The following THOC1 variants were observed in gnomAD, a reference collection of about 807,000 sequenced individuals.
THOC1 encodes THO complex 1.
Under a neutral mutation model 97.3 loss-of-function variants are expected in THOC1, and 29 were observed. The observed-to-expected ratio is 0.30, with a 90% confidence interval of 0.22 to 0.41. The LOEUF (loss-of-function observed/expected upper bound fraction) is 0.41, where lower values mean the gene tolerates loss of function less well. Among genes scored for constraint, THOC1 ranks in the 10% least tolerant of loss-of-function variants. The pLI, the probability that THOC1 is intolerant of heterozygous loss-of-function variation, is 1.00. For missense variants in THOC1, 529 were observed against 761.9 expected (o/e 0.69, Z 3.60); for synonymous variants, 255 against 257.0 (o/e 0.99, Z 0.07).
rs1284947013 is a variant in THOC1 at position 214,760 on chromosome 18, T to C, written c.1840A>G (p.Lys614Glu). Residue 614 changes from lysine to glutamate, a missense_variant, in exon 21 of 21, where the codon AAG (lysine) becomes GAG (glutamate). Transcript: ENST00000261600. ...TCTTGCCAGGCAACCAGGAGCTGCT[T>C]AGCTCTCATCTTCATGTCTTCACTG... ...CDSEDMKMRA[K>E]QLLVAWQDQE... 1 of 1,614,008 alleles carries C rather than the reference T, an allele frequency of 6.2e-7. No individual in the cohort carries two copies. The highest frequency in any genetic ancestry group is 8.5e-7 in the Non-Finnish European group (1 of 1,179,872).
chr18:230,002 C>T (rs1226870282), intron 11 of THOC1, among the ~76,000 whole-genome samples: 1 of 152,224 alleles, frequency 6.6e-6, no homozygotes, highest in Non-Finnish European at 1.5e-5. Context: ...ACTATACTCT[C>T]AACCTAGATC....
At chr18:246,220 A>G in intron 11 of THOC1, 104 bp downstream of exon 11, 1 of 952,048 alleles carries the variant, frequency 1.1e-6, no homozygotes, top group South Asian at 1.7e-5. Context: ...CCAAAGTAAA[A>G]TAAGAAACAT....
rs1912527073 is a variant in THOC1, at chr18:259,187, C to T, written c.513G>A (p.Glu171=). 2 of 1,610,494 alleles carry T rather than the reference C, an allele frequency of 1.2e-6. No individual in the cohort carries two copies. Among genetic ancestry groups the T allele is most frequent in the Non-Finnish European group, 1.7e-6 (2 of 1,178,226 alleles). Residue 171 remains glutamate, a synonymous_variant, in exon 7 of 21, where the codon GAG becomes GAA. Coordinates refer to ENST00000261600, the MANE Select transcript of THOC1 (RefSeq NM_005131.3). ...LFLARLFPLS[E]KSGLNLQSQF... ...TAATGCATAAAAGCTTACCTGATTTCTCAGACAGAGGGAAAAGCCTGGCCA... is the reference window on the plus strand; with the variant it reads ...TAATGCATAAAAGCTTACCTGATTTTTCAGACAGAGGGAAAAGCCTGGCCA...
intron 11 of THOC1, among the ~76,000 whole-genome samples, chr18:237,009 T>C (rs2143215507): frequency 6.6e-6 from 1 of 152,196 alleles, no homozygotes; most frequent in Non-Finnish European, 1.5e-5. Flanking sequence ...AGTCTTTCTG[T>C]AGCATGACTG....
At chr18:224,640 A>T (rs1282458436) in intron 15 of THOC1, among the ~76,000 whole-genome samples, 2 of 152,210 alleles carry the variant, frequency 1.3e-5, no homozygotes, top group Non-Finnish European at 2.9e-5. Flanking sequence ...TATAAGATAA[A>T]AATGCCACAT....
At chr18:257,518 A>C (rs1912473688) in intron 7 of THOC1, among the ~76,000 whole-genome samples, 1 of 152,188 alleles carries the variant, frequency 6.6e-6, no homozygotes, top group South Asian at 2.1e-4. Context: ...TACAGAAACA[A>C]ATACAGATGA....
At chr18:247,504 G>T (rs1036917127) in intron 10 of THOC1, among the ~76,000 whole-genome samples, 2 of 152,114 alleles carry the variant, frequency 1.3e-5, no homozygotes, top group African/African-American at 4.8e-5. Context: ...GTTAGATCTG[G>T]CCCAGAGCCA....
At position 215,573 on chromosome 18, in the gene THOC1, T is replaced by C. The variant is rs1207899395; in HGVS notation, c.1603-69A>G. ...GAAGTAAGGTAACAGGTATTTTGTT[T>C]GGATAAGGACGGTTGTGAGATTCCA... On this transcript the variant is annotated intron_variant, in intron 19 of 20. Transcript: ENST00000261600. 2.3e-6 allele frequency: 3 copies of C among 1,304,662 alleles called. No individual in the cohort carries two copies. The East Asian group carries it at 7.0e-5, about 30-fold the overall frequency. 80.8% of individuals were successfully genotyped at this position (1,304,662 alleles called of 1,614,324 possible). A position where few individuals can be genotyped will look rare whatever the true frequency, so the allele number is the denominator to read the frequency against.
intron 11 of THOC1, among the ~76,000 whole-genome samples, chr18:243,916 T>C (rs1224849022): frequency 6.6e-6 from 1 of 152,192 alleles, no homozygotes; most frequent in Admixed American, 6.5e-5. Flanking sequence ...ATACTTGTTA[T>C]TACTGACCTA....
In THOC1 at chr18:254,318, G is replaced by A. The variant is rs773345626; in HGVS notation, c.558C>T (p.Val186=). ...CCTGCTCATTTGTATTGAAAACAGTGACATTTTCCAGATTAAACTGACTCT... is the reference window on the plus strand; with the variant it reads ...CCTGCTCATTTGTATTGAAAACAGTAACATTTTCCAGATTAAACTGACTCT... The part of the protein sequence containing the change: ...NLQSQFNLEN[V]TVFNTNEQES... Residue 186 remains valine (V), a synonymous_variant, in exon 8 of 21, where the codon GTC becomes GTT. Transcript: ENST00000261600. The surrounding 1 kb of genome is among the most constrained non-coding windows in gnomAD (Gnocchi z 4.1). 3.2e-5 allele frequency: 51 copies of A among 1,581,548 alleles called. No individual in the cohort carries two copies. The East Asian group carries it at 1.1e-3, about 35-fold the overall frequency.
chr18:233,492 A>T (rs777590951), intron 11 of THOC1, among the ~76,000 whole-genome samples: 5 of 152,200 alleles, frequency 3.3e-5, no homozygotes, highest in Non-Finnish European at 7.3e-5. Context: ...AGGCTGAGGC[A>T]AGAGAATCAC....
At chr18:234,525 C>G (rs2143204480) in intron 11 of THOC1, among the ~76,000 whole-genome samples, 1 of 152,118 alleles carries the variant, frequency 6.6e-6, no homozygotes, top group South Asian at 2.1e-4. Flanking sequence ...TCATACAGAT[C>G]TTAAAAATCT....
At chr18:248,567 G>T (rs1255800661) in intron 9 of THOC1, among the ~76,000 whole-genome samples, 1 of 152,040 alleles carries the variant, frequency 6.6e-6, no homozygotes. Context: ...AAAAGTCACA[G>T]GTATCATATC....
Position 224,199 on chromosome 18 carries a change from C to T in THOC1, c.1209-20G>A, listed in dbSNP as rs1911193121. 2.0e-6 allele frequency: 3 copies of T among 1,507,044 alleles called. No individual in the cohort carries two copies. The highest frequency in any genetic ancestry group is 1.2e-5 in the South Asian group (1 of 84,138). The allele number at this position is 1,507,044 out of a possible 1,614,324, so 93.4% of individuals were successfully genotyped here. On this transcript the variant is annotated intron_variant, in intron 15 of 20. Transcript: ENST00000261600. ...GATGTTCTGTCGTGAACAAAACATA[C>T]ACTATTTTTTGAATTACAAATGGAT...
At chr18:253,207 A>C (rs1486146134) in intron 8 of THOC1, among the ~76,000 whole-genome samples, 1 of 152,218 alleles carries the variant, frequency 6.6e-6, no homozygotes, top group Non-Finnish European at 1.5e-5. Context: ...TTGAGAAGTA[A>C]CCAGGCAATA....
intron 20 of THOC1, 44 bp from the exon 21 acceptor site, chr18:214,965 A>G: frequency 6.3e-7 from 1 of 1,579,638 alleles, no homozygotes; most frequent in Middle Eastern, 1.7e-4. Context: ...TTCTAAGTAT[A>G]CAACAGAAAT....
At chr18:232,741 G>A (rs965927955) in intron 11 of THOC1, among the ~76,000 whole-genome samples, 2 of 151,910 alleles carry the variant, frequency 1.3e-5, no homozygotes, top group Admixed American at 1.3e-4. Context: ...CCACATCTCT[G>A]CCAATACTAG....
At chr18:223,534 T>C in intron 16 of THOC1, 29 bp from the exon 17 acceptor site, 1 of 1,518,970 alleles carries the variant, frequency 6.6e-7, no homozygotes, top group Admixed American at 2.0e-5. Flanking sequence ...AATAAATACA[T>C]TTTTTATGGA....
chr18:258,705 C>G (rs1200511272), intron 7 of THOC1, among the ~76,000 whole-genome samples: 1 of 152,076 alleles, frequency 6.6e-6, no homozygotes, highest in Non-Finnish European at 1.5e-5. Context: ...GGAGGACAAG[C>G]AATGTCCCAT....
Sources: allele counts gnomAD v4.1 joint callset (sites outside exome capture counted in the v4.1 genomes callset), GRCh38; gene constraint gnomAD v4.1.1; non-coding constraint Gnocchi (gnomAD v3.1); transcripts MANE v1.5; gene names NCBI Gene and HGNC (gene_info 2026-07-23, HGNC 2026-07-21).